PI4K2A: variants seen among roughly 807,000 people sequenced by gnomAD.
PI4K2A encodes phosphatidylinositol 4-kinase type 2 alpha, also known as phosphatidylinositol 4-kinase type 2-alpha.
Under a neutral mutation model 55.0 loss-of-function variants are expected in PI4K2A, and 20 were observed. The ratio of observed to expected loss-of-function variants is 0.36; its 90% CI spans 0.26 to 0.53. The LOEUF (loss-of-function observed/expected upper bound fraction) is 0.53. Among genes scored for constraint, PI4K2A ranks in the 20% least tolerant of loss-of-function variants. The pLI is 0.91. For missense variants in PI4K2A, 463 were observed against 637.1 expected, an observed-to-expected ratio of 0.73 and a Z score of 2.94; for synonymous variants, 235 against 258.5, an observed-to-expected ratio of 0.91 and a Z score of 0.87.
rs971085727 is a variant in PI4K2A at position 97,666,336 on chromosome 10, G to T, written c.1085-102G>T. 2.0e-5 allele frequency: 20 copies of T among 1,014,612 alleles called. No individual in the cohort carries two copies. In the Admixed American group the frequency reaches 4.6e-4, roughly 24 times the overall value. The allele number at this position is 1,014,612 out of a possible 1,614,324, so 62.9% of individuals were successfully genotyped here. ...GTTTTTGTTTCTGTTGTATGTCAGG[G>T]AAGAGGGGTTCTCCTTTAGAAAGTG... On this transcript the variant is annotated intron_variant, in intron 6 of 8. Coordinates refer to ENST00000370631, the Ensembl canonical transcript of PI4K2A.
chr10:97,642,408 T>TC (rs1239342956), intron 1 of PI4K2A, among the ~76,000 whole-genome samples: 1 of 147,990 alleles, frequency 6.8e-6, no homozygotes, highest in African/African-American at 2.5e-5. Flanking sequence ...TTTTTTTTTT[T>TC]CTTTTTTTTT....
Position 97,655,475 on chromosome 10 carries a change from T to C in PI4K2A, c.637-810T>C, listed in dbSNP as rs184575718. 6.6e-5 allele frequency among the ~76,000 whole-genome samples: 10 copies of C among 152,202 alleles called. No individual in the cohort carries two copies. In the East Asian group the frequency reaches 1.7e-3, roughly 26 times the overall value. ...AAGAAGATGGGCATTTGGCCTAATC[T>C]AACCCAGGAGATGACAGTGTTAATC... is the stretch of plus-strand genomic sequence containing the variant. On this transcript the variant is annotated intron_variant, in intron 2 of 8. Coordinates refer to ENST00000370631, the Ensembl canonical transcript of PI4K2A.
intron 1 of PI4K2A, among the ~76,000 whole-genome samples, chr10:97,647,093 AT>A (rs892600987): frequency 1.8e-4 from 28 of 151,988 alleles, no homozygotes; most frequent in African/African-American, 6.8e-4. Flanking sequence ...GGTTCCAGTA[AT>A]TGGTTGTGGG....
chr10:97,672,722 G>GTTTTTTTTTTTTTTTTTTTTTTT (rs201709914), intron 8 of PI4K2A, among the ~76,000 whole-genome samples: 1 of 94,790 alleles, frequency 1.1e-5, no homozygotes, highest in African/African-American at 5.1e-5. Context: ...CAGAGGGTCT[G>GTTTTTTTTTTTTTTTTTTTTTTT]TTCTTTTTTT....
At chr10:97,666,924 G>C in intron 7 of PI4K2A, 137 bp from the exon 8 acceptor site, 1 of 680,572 alleles carries the variant, frequency 1.5e-6, no homozygotes, top group Non-Finnish European at 2.7e-6. Flanking sequence ...GGGAGTTCTT[G>C]TGGGAGTAGT....
At chr10:97,670,285 T>A (rs946917241) in intron 8 of PI4K2A, among the ~76,000 whole-genome samples, 2 of 152,236 alleles carry the variant, frequency 1.3e-5, no homozygotes, top group African/African-American at 2.4e-5. Context: ...TTTTTCTTTT[T>A]AAATTCTTTA....
chr10:97,662,005 C>T (rs2041586769), intron 4 of PI4K2A, among the ~76,000 whole-genome samples: 1 of 151,756 alleles, frequency 6.6e-6, no homozygotes, highest in Non-Finnish European at 1.5e-5. Context: ...GCACGTACCA[C>T]CACACCTGGC....
At chr10:97,642,260 T>C (rs932250168) in intron 1 of PI4K2A, among the ~76,000 whole-genome samples, 1 of 152,128 alleles carries the variant, frequency 6.6e-6, no homozygotes, top group Non-Finnish European at 1.5e-5. Flanking sequence ...ATGATCTAGT[T>C]ATTCACTCAG....
chr10:97,665,776 A>G (rs1488697747), intron 6 of PI4K2A, among the ~76,000 whole-genome samples: 1 of 151,736 alleles, frequency 6.6e-6, no homozygotes, highest in African/African-American at 2.4e-5. Context: ...TATTTTTAGT[A>G]GAGACAGGGT....
At chr10:97,655,221 T>C (rs943835277) in intron 2 of PI4K2A, among the ~76,000 whole-genome samples, 19 of 151,662 alleles carry the variant, frequency 1.3e-4, no homozygotes, top group Non-Finnish European at 2.4e-4. Flanking sequence ...AATACAAAAA[T>C]TAGCCAGGAG....
In PI4K2A at chr10:97,640,838, C is replaced by CG; in HGVS notation, c.101dup (p.Ala35ArgfsTer75). On this transcript the variant is annotated frameshift_variant, in exon 1 of 9. Coordinates refer to ENST00000370631, the Ensembl canonical transcript of PI4K2A. LOFTEE classifies it high-confidence loss of function. ...CGGGCGCTCACTTTCCGCAGGTGCCCGGGGGCGCGGTCCGAGTGGCGGCGG... is the reference window on the plus strand; with the variant it reads ...CGGGCGCTCACTTTCCGCAGGTGCCCGGGGGGCGCGGTCCGAGTGGCGGCGG... 1.4e-6 allele frequency: 2 copies of CG among 1,402,658 alleles called. No individual in the cohort carries two copies. The highest frequency in any genetic ancestry group is 1.7e-5 in the South Asian group (1 of 59,904). 86.9% of individuals were successfully genotyped at this position (1,402,658 alleles called of 1,614,324 possible).
At chr10:97,663,338 C>T (rs1019363294) in intron 5 of PI4K2A, among the ~76,000 whole-genome samples, 6 of 152,082 alleles carry the variant, frequency 3.9e-5, no homozygotes, top group African/African-American at 9.7e-5. Flanking sequence ...CACAACAGAC[C>T]GCAAGTCCAC....
At chr10:97,673,827 G>A (rs2041647991) in exon 9 of PI4K2A, 9 of 1,303,380 alleles carry the variant, frequency 6.9e-6, no homozygotes, top group Non-Finnish European at 8.7e-6. Flanking sequence ...CAGAGAAGCC[G>A]GTGGAGAGCA....
chr10:97,674,564 T>C (rs2041652433), exon 9 of PI4K2A: 1 of 152,234 alleles, frequency 6.6e-6, no homozygotes, highest in African/African-American at 2.4e-5. Context: ...CCGGAGTGTA[T>C]GCCGGGAGCT....
In PI4K2A at chr10:97,642,924, C is replaced by CTTTCTTTCCTTT. The variant is rs1564772414; in HGVS notation, c.435+1747_435+1748insTTTCTTTCCTTT. Among the ~76,000 whole-genome samples the CTTTCTTTCCTTT allele has an allele frequency of 7.5e-3, 849 of 113,166 alleles. 37 individuals carry two copies. Among genetic ancestry groups the CTTTCTTTCCTTT allele is most frequent in the Non-Finnish European group, 0.011 (613 of 54,674 alleles). 74.2% of individuals were successfully genotyped at this position (113,166 alleles called of 152,430 possible). A position where few individuals can be genotyped will look rare whatever the true frequency, so the allele number is the denominator to read the frequency against. On this transcript the variant is annotated intron_variant, in intron 1 of 8. Coordinates refer to ENST00000370631, the Ensembl canonical transcript of PI4K2A. The stretch of plus-strand genomic sequence containing the variant: ...TCCTTCCTTCCTTCCTTCCTTCCTT[C>CTTTCTTTCCTTT]CTTTCTTTCCTTTCTTTCTTTCTCT...
intron 8 of PI4K2A, among the ~76,000 whole-genome samples, chr10:97,669,096 T>A (rs2041623822): frequency 6.6e-6 from 1 of 152,030 alleles, no homozygotes; most frequent in African/African-American, 2.4e-5. Flanking sequence ...AAACTCCTGA[T>A]CTCAGGTGAT....
chr10:97,661,104 G>A lies in PI4K2A; in HGVS notation c.923-1803G>A, dbSNP rs552222141. Among the ~76,000 whole-genome samples the A allele has an allele frequency of 2.1e-3, 322 of 152,122 alleles. 1 individual carries two copies. Among genetic ancestry groups the A allele is most frequent in the African/African-American group, 7.3e-3 (303 of 41,496 alleles). On this transcript the variant is annotated intron_variant, in intron 4 of 8. Coordinates refer to ENST00000370631, the Ensembl canonical transcript of PI4K2A. ...CCTCCCGGGTTCACACCATTCTCCT[G>A]CCTCAGCCTCCCGAGTAGCTGGGAC...
At chr10:97,657,848 G>T (rs1341700660) in intron 4 of PI4K2A, among the ~76,000 whole-genome samples, 1 of 106,328 alleles carries the variant, frequency 9.4e-6, no homozygotes, top group Non-Finnish European at 2.3e-5. Flanking sequence ...TCTTTTTGTT[G>T]TTGTTGAGAC....
At chr10:97,667,218 C>CTTTT (rs1258198484) in intron 8 of PI4K2A, 98 bp downstream of exon 8, 511 of 730,184 alleles carry the variant, frequency 7.0e-4, no homozygotes, top group East Asian at 5.3e-3. Flanking sequence ...ATACCCCCCC[C>CTTTT]TTTTTTTTTG....
Sources: allele counts gnomAD v4.1 joint callset (sites outside exome capture counted in the v4.1 genomes callset), GRCh38; gene constraint gnomAD v4.1.1; transcripts MANE v1.5; gene names NCBI Gene and HGNC (gene_info 2026-07-23, HGNC 2026-07-21).